Variants in NCKAP5 observed in about 807,000 individuals in gnomAD.
NCKAP5 encodes the protein nck-associated protein 5.
A neutral mutation model predicts 167.0 loss-of-function variants in NCKAP5; 92 were observed. The observed-to-expected ratio is 0.55, with a 90% confidence interval of 0.47 to 0.66. The LOEUF is 0.66. Ranked by LOEUF, NCKAP5 falls within the 30% of genes least tolerant of loss-of-function variation. The probability of loss-of-function intolerance (pLI) is 0.00; values close to 1 mark genes in which losing one functional copy is unlikely to be tolerated. For synonymous variants in NCKAP5, 891 were observed against 877.4 expected (o/e 1.02, Z -0.27); for missense variants, 2,378 against 2,315.0 (o/e 1.03, Z -0.56).
chr2:133,325,637 T>C (rs2150695756), intron 3 of NCKAP5, among the ~76,000 whole-genome samples: 1 of 152,294 alleles, frequency 6.6e-6, no homozygotes, highest in Non-Finnish European at 1.5e-5. Context: ...CCCTTCCTTG[T>C]GGGGATCACT....
At chr2:132,834,763 C>T (rs1195446476) in intron 11 of NCKAP5, among the ~76,000 whole-genome samples, 1 of 152,142 alleles carries the variant, frequency 6.6e-6, no homozygotes, top group Non-Finnish European at 1.5e-5. Context: ...GCTGGGATTA[C>T]TATAGATGTG....
chr2:133,671,097 C>A, the NCKAP5 span, among the ~76,000 whole-genome samples: 133 of 151,746 alleles, frequency 8.8e-4, no homozygotes, highest in East Asian at 0.024. Context: ...TGCCTGTAGT[C>A]CCAGCTACTC....
Position 133,237,445 on chromosome 2 carries a change from G to GA in NCKAP5, c.144-23667dup, listed in dbSNP as rs565638084. ...TTAGAACATTGCATTAAAAACTGAA[G>GA]AAAAAACTTCAAGACTTTGAAAGCA... On this transcript the variant is annotated intron_variant, in intron 4 of 19. Transcript: ENST00000409261. Among the ~76,000 whole-genome samples the GA allele has an allele frequency of 3.7e-4, 57 of 152,252 alleles. 1 individual carries two copies. The highest frequency in any genetic ancestry group is 1.3e-3 in the African/African-American group (53 of 41,558).
At position 133,476,273 on chromosome 2, in the gene NCKAP5, G is replaced by T. The variant is rs1045636580; in HGVS notation, c.69+41185C>A. Among the ~76,000 whole-genome samples, 3 of 152,214 alleles carry T rather than the reference G, an allele frequency of 2.0e-5. No homozygotes were observed. The East Asian group carries it at 5.8e-4, about 29-fold the overall frequency. ...CTGGTTGCAGAGTGTGCAATGCAAAGTCAGGTTGCCTTTCATCTTTTACTA... is the reference window on the plus strand; with the variant it reads ...CTGGTTGCAGAGTGTGCAATGCAAATTCAGGTTGCCTTTCATCTTTTACTA... On this transcript the variant is annotated intron_variant, in intron 3 of 19. Transcript: ENST00000409261.
At chr2:133,338,091 G>GGATA (rs1438307959) in intron 3 of NCKAP5, among the ~76,000 whole-genome samples, 2 of 151,724 alleles carry the variant, frequency 1.3e-5, no homozygotes, top group Admixed American at 6.6e-5. Flanking sequence ...CATGATTGAA[G>GGATA]GATAAGCTGA....
At chr2:133,055,979 G>T (rs1475857634) in intron 6 of NCKAP5, among the ~76,000 whole-genome samples, 4 of 152,112 alleles carry the variant, frequency 2.6e-5, no homozygotes, top group African/African-American at 7.2e-5. Context: ...GTTATTAAAA[G>T]AATATTACAA....
At chr2:133,621,068 A>C in the NCKAP5 span, among the ~76,000 whole-genome samples, 1 of 152,172 alleles carries the variant, frequency 6.6e-6, no homozygotes, top group Non-Finnish European at 1.5e-5. Context: ...ATTTCTTTGA[A>C]TTGAACGATA....
At chr2:132,904,543 G>A (rs918249762) in intron 8 of NCKAP5, among the ~76,000 whole-genome samples, 2 of 152,014 alleles carry the variant, frequency 1.3e-5, no homozygotes, top group African/African-American at 4.8e-5. Context: ...ACTACTGGAT[G>A]AAAGCCCTAG....
intron 3 of NCKAP5, among the ~76,000 whole-genome samples, chr2:133,310,513 T>A (rs1411181747): frequency 6.6e-6 from 1 of 152,200 alleles, no homozygotes; most frequent in Non-Finnish European, 1.5e-5. Context: ...CTTCACATTT[T>A]AAAATCATAC....
At chr2:132,851,563 G>C (rs1689081813) in intron 11 of NCKAP5, among the ~76,000 whole-genome samples, 1 of 152,172 alleles carries the variant, frequency 6.6e-6, no homozygotes, top group African/African-American at 2.4e-5. Context: ...CGGGGCTTCA[G>C]TGGCCTTCCT....
chr2:133,456,201 A>G (rs1302649404), intron 3 of NCKAP5, among the ~76,000 whole-genome samples: 1 of 152,112 alleles, frequency 6.6e-6, no homozygotes, highest in Admixed American at 6.5e-5. Context: ...CACTAACAAA[A>G]CCCCCATATT....
chr2:133,225,768 C>T (rs1017975284), intron 4 of NCKAP5, among the ~76,000 whole-genome samples: 1 of 140,088 alleles, frequency 7.1e-6, no homozygotes, highest in Non-Finnish European at 1.5e-5. Flanking sequence ...TGTGGGTCAT[C>T]ATGCCCTGTT....
At chr2:133,237,105 A>C (rs2087458466) in intron 4 of NCKAP5, among the ~76,000 whole-genome samples, 1 of 152,168 alleles carries the variant, frequency 6.6e-6, no homozygotes, top group Admixed American at 6.5e-5. Flanking sequence ...GAAACTCACC[A>C]AGAAATGCTC....
At chr2:133,143,880 C>T (rs1247887952) in intron 5 of NCKAP5, among the ~76,000 whole-genome samples, 1 of 152,004 alleles carries the variant, frequency 6.6e-6, no homozygotes, top group Non-Finnish European at 1.5e-5. Context: ...GGTTTGAGCC[C>T]ATGCAATCTG....
At chr2:132,827,195 C>T (rs1687187046) in intron 11 of NCKAP5, among the ~76,000 whole-genome samples, 1 of 152,006 alleles carries the variant, frequency 6.6e-6, no homozygotes, top group Non-Finnish European at 1.5e-5. Context: ...GACCTCACTC[C>T]TTAGATGTGA....
intron 3 of NCKAP5, among the ~76,000 whole-genome samples, chr2:133,453,713 C>CT (rs1310963861): frequency 2.0e-5 from 3 of 151,970 alleles, no homozygotes; most frequent in Non-Finnish European, 2.9e-5. Flanking sequence ...AACGTGCTCT[C>CT]TAATGAATGG....
chr2:133,356,947 T>C (rs1684772076), intron 3 of NCKAP5, among the ~76,000 whole-genome samples: 1 of 152,180 alleles, frequency 6.6e-6, no homozygotes, highest in Admixed American at 6.5e-5. Flanking sequence ...AGCTAGAAAA[T>C]GTCAAGGAAC....
intron 3 of NCKAP5, among the ~76,000 whole-genome samples, chr2:133,464,874 C>T (rs1345765856): frequency 6.6e-6 from 1 of 151,616 alleles, no homozygotes; most frequent in Non-Finnish European, 1.5e-5. Context: ...TCATCACTTG[C>T]CAACGTGGCA....
chr2:132,999,420 A>G (rs147923772), intron 6 of NCKAP5, among the ~76,000 whole-genome samples: 27 of 152,218 alleles, frequency 1.8e-4, no homozygotes, highest in African/African-American at 6.0e-4. Context: ...TTTGTCATTG[A>G]CCTCCTTTTA....
Sources: gnomAD v4.1 joint callset for allele counts (sites outside exome capture counted in the v4.1 genomes callset) on GRCh38, gnomAD v4.1.1 for gene constraint, MANE v1.5 for transcripts, NCBI Gene and HGNC (gene_info 2026-07-23, HGNC 2026-07-21) for gene names.